The following ABI1 variants were observed in gnomAD, a reference collection of about 807,000 sequenced individuals.
ABI1 encodes the protein abl interactor 1.
A neutral mutation model predicts 54.6 loss-of-function variants in ABI1; 14 were observed. The ratio of observed to expected loss-of-function variants is 0.26; its 90% CI spans 0.17 to 0.40. The LOEUF is 0.40. Among genes scored for constraint, ABI1 ranks in the 10% least tolerant of loss-of-function variants. ABI1 has a pLI of 1.00. For synonymous variants in ABI1, 194 were observed against 209.3 expected, an observed-to-expected ratio of 0.93 and a Z score of 0.63; for missense variants, 443 against 598.3, an observed-to-expected ratio of 0.74 and a Z score of 2.71.
intron 7 of ABI1, among the ~76,000 whole-genome samples, chr10:26,761,436 TTA>T (rs759679472): frequency 1.3e-5 from 2 of 151,306 alleles, no homozygotes; most frequent in African/African-American, 2.4e-5. Flanking sequence ...ATATGCATAA[TTA>T]TATGTTATAC....
chr10:26,844,837 T>C (rs1196428915), intron 1 of ABI1, among the ~76,000 whole-genome samples: 1 of 152,216 alleles, frequency 6.6e-6, no homozygotes, highest in East Asian at 1.9e-4. Flanking sequence ...CTGATTCTTA[T>C]CTTCCTTTTC....
chr10:26,806,034 A>ATG (rs1432397313), intron 2 of ABI1, among the ~76,000 whole-genome samples: 2 of 152,224 alleles, frequency 1.3e-5, no homozygotes, highest in Non-Finnish European at 2.9e-5. Flanking sequence ...CTCTAATGCC[A>ATG]TTACCTCAGA....
intron 2 of ABI1, among the ~76,000 whole-genome samples, chr10:26,810,507 G>A (rs2047161761): frequency 1.3e-5 from 2 of 152,134 alleles, no homozygotes; most frequent in Admixed American, 6.6e-5. Context: ...ACACCTCAGG[G>A]ATCGGCAAAC....
intron 2 of ABI1, among the ~76,000 whole-genome samples, chr10:26,784,483 C>T (rs1309101638): frequency 2.0e-5 from 3 of 151,928 alleles, no homozygotes; most frequent in Non-Finnish European, 2.9e-5. Context: ...ATCAGGGAGG[C>T]CACATTGGAG....
intron 2 of ABI1, among the ~76,000 whole-genome samples, chr10:26,802,943 G>A (rs2046653282): frequency 6.6e-6 from 1 of 152,174 alleles, no homozygotes; most frequent in Non-Finnish European, 1.5e-5. Context: ...CACAGAACAG[G>A]AGAGAAAAAG....
intron 2 of ABI1, among the ~76,000 whole-genome samples, chr10:26,777,596 G>A (rs1214769009): frequency 1.3e-5 from 2 of 152,008 alleles, no homozygotes. Context: ...GGGCAACATG[G>A]CAAAACCCTG....
At chr10:26,808,619 A>G (rs1261608622) in intron 2 of ABI1, among the ~76,000 whole-genome samples, 2 of 151,990 alleles carry the variant, frequency 1.3e-5, no homozygotes, top group African/African-American at 4.8e-5. Flanking sequence ...GCTACTCAGG[A>G]GGCTGAGGCA....
At position 26,748,016 on chromosome 10, in the gene ABI1, C is replaced by T. The variant is rs1203579140; in HGVS notation, c.*554G>A. The T allele has an allele frequency of 1.5e-5, 3 of 202,762 alleles. No homozygotes were observed. In the Admixed American group the frequency reaches 1.8e-4, roughly 12 times the overall value. The allele number at this position is 202,762 out of a possible 1,614,324, so 12.6% of individuals were successfully genotyped here. On this transcript the variant is annotated 3_prime_UTR_variant, in exon 11 of 11. Coordinates refer to ENST00000376140, the MANE Select transcript of ABI1 (RefSeq NM_001012750.3). ...ATGGAGACCTTGGAGACTCAATTCA[C>T]GTTAAGACACCTAAGTACGAGTCCT...
At chr10:26,820,397 G>C (rs2047892873) in intron 2 of ABI1, among the ~76,000 whole-genome samples, 1 of 152,050 alleles carries the variant, frequency 6.6e-6, no homozygotes, top group Non-Finnish European at 1.5e-5. Flanking sequence ...TTTCTGACCA[G>C]TAAGAAATTA....
intron 2 of ABI1, among the ~76,000 whole-genome samples, chr10:26,822,760 T>A (rs1238995459): frequency 6.6e-6 from 1 of 152,176 alleles, no homozygotes. Context: ...TGGTTCATTA[T>A]CTTGAATGTG....
intron 2 of ABI1, among the ~76,000 whole-genome samples, chr10:26,793,164 AT>A (rs1009887127): frequency 1.3e-5 from 2 of 152,206 alleles, no homozygotes; most frequent in African/African-American, 4.8e-5. Flanking sequence ...AAATCAAAAT[AT>A]TTTTGCCCTG....
intron 2 of ABI1, among the ~76,000 whole-genome samples, chr10:26,797,556 T>C (rs376352306): frequency 3.3e-5 from 5 of 152,282 alleles, no homozygotes; most frequent in Admixed American, 2.0e-4. Flanking sequence ...AGAGTATCTA[T>C]ATGCCTTTAG....
Position 26,860,167 on chromosome 10 carries a change from A to T in ABI1, c.117+580T>A, listed in dbSNP as rs558464265. Among the ~76,000 whole-genome samples the T allele has an allele frequency of 2.7e-3, 416 of 152,126 alleles. 5 individuals are homozygous for T. Among genetic ancestry groups the T allele is most frequent in the African/African-American group, 9.4e-3 (388 of 41,482 alleles). ...ATGTGACTCATGACAAATTTTTTTT[A>T]AATAAATAAATAAATAAAAGACACA... On this transcript the variant is annotated intron_variant, in intron 1 of 10. Coordinates refer to ENST00000376140, the MANE Select transcript of ABI1 (RefSeq NM_001012750.3). The surrounding 1 kb of genome is among the most constrained non-coding windows in gnomAD (Gnocchi z 4.1).
At chr10:26,809,403 G>A (rs960570298) in intron 2 of ABI1, among the ~76,000 whole-genome samples, 2 of 149,528 alleles carry the variant, frequency 1.3e-5, no homozygotes, top group Non-Finnish European at 3.0e-5. Flanking sequence ...ACAAAAAGAT[G>A]AAAAAACCAG....
At chr10:26,835,534 C>T (rs1264129565) in intron 1 of ABI1, among the ~76,000 whole-genome samples, 1 of 151,770 alleles carries the variant, frequency 6.6e-6, no homozygotes, top group African/African-American at 2.4e-5. Context: ...ATGATCACAC[C>T]ACTGCATTTC....
rs369559544 is a variant in ABI1, at chr10:26,848,116, C to T, written c.117+12631G>A. On this transcript the variant is annotated intron_variant, in intron 1 of 10. Coordinates refer to ENST00000376140, the MANE Select transcript of ABI1 (RefSeq NM_001012750.3). ...TGGGAGGCTGAGGTGGGAGGATGAC[C>T]TGAGCCCAGGATTTCAAGGCTGTAG... Among the ~76,000 whole-genome samples the T allele has an allele frequency of 2.0e-4, 30 of 150,082 alleles. No homozygotes were observed. In the East Asian group the frequency reaches 3.6e-3, roughly 18 times the overall value.
At chr10:26,835,552 G>T (rs1256026456) in intron 1 of ABI1, among the ~76,000 whole-genome samples, 1 of 151,114 alleles carries the variant, frequency 6.6e-6, no homozygotes, top group Non-Finnish European at 1.5e-5. Context: ...TTCAGCCTCG[G>T]TGAAAGAGTT....
intron 2 of ABI1, among the ~76,000 whole-genome samples, chr10:26,814,381 C>A (rs1026018698): frequency 9.2e-5 from 14 of 152,300 alleles, no homozygotes; most frequent in African/African-American, 2.9e-4. Context: ...GATCTCATGT[C>A]CCTTCCAGTT....
At chr10:26,766,723 T>C (rs529080334) in intron 6 of ABI1, among the ~76,000 whole-genome samples, 27 of 152,298 alleles carry the variant, frequency 1.8e-4, no homozygotes, top group Admixed American at 9.8e-4. Context: ...CAACAAGGGG[T>C]TGGCAAATTA....
Sources: gnomAD v4.1 joint callset for allele counts (sites outside exome capture counted in the v4.1 genomes callset) on GRCh38, gnomAD v4.1.1 for gene constraint, Gnocchi (gnomAD v3.1) non-coding constraint, MANE v1.5 for transcripts, NCBI Gene and HGNC (gene_info 2026-07-23, HGNC 2026-07-21) for gene names.